The following GALNT18 variants were observed in gnomAD, a reference collection of about 807,000 sequenced individuals.
GALNT18 encodes the protein GalNAc-transferase 18.
A neutral mutation model predicts 69.5 loss-of-function variants in GALNT18; 44 were observed. That is an observed-to-expected ratio of 0.63 (90% CI 0.50 to 0.81). The LOEUF (loss-of-function observed/expected upper bound fraction) is 0.81. Among genes scored for constraint, GALNT18 ranks in the 40% least tolerant of loss-of-function variants. The probability of loss-of-function intolerance (pLI) is 0.00; values close to 1 mark genes in which losing one functional copy is unlikely to be tolerated. For synonymous variants in GALNT18, 364 were observed against 318.2 expected, an observed-to-expected ratio of 1.14 and a Z score of -1.53; for missense variants, 715 against 810.0, an observed-to-expected ratio of 0.88 and a Z score of 1.42.
At chr11:11,489,616 T>C (rs946578556) in intron 1 of GALNT18, among the ~76,000 whole-genome samples, 1 of 152,190 alleles carries the variant, frequency 6.6e-6, no homozygotes, top group South Asian at 2.1e-4. Flanking sequence ...AGCTCTGCCA[T>C]GAAAACACCT....
intron 3 of GALNT18, among the ~76,000 whole-genome samples, chr11:11,403,127 T>C (rs1052409521): frequency 2.0e-5 from 3 of 152,156 alleles, no homozygotes; most frequent in Non-Finnish European, 4.4e-5. Context: ...AGCTAAGCAA[T>C]GCCTGTAACC....
chr11:11,490,030 T>C (rs967805635), intron 1 of GALNT18, among the ~76,000 whole-genome samples: 1 of 152,162 alleles, frequency 6.6e-6, no homozygotes, highest in Admixed American at 6.5e-5. Context: ...AATGTGACAG[T>C]GTTGGAACAT....
intron 3 of GALNT18, among the ~76,000 whole-genome samples, chr11:11,411,486 A>G (rs974256991): frequency 1.3e-5 from 2 of 152,172 alleles, no homozygotes; most frequent in Non-Finnish European, 2.9e-5. Flanking sequence ...CGGGAGCTCA[A>G]TGCATCCTGA....
chr11:11,521,009 G>A (rs975461092), intron 1 of GALNT18, among the ~76,000 whole-genome samples: 20 of 152,156 alleles, frequency 1.3e-4, no homozygotes, highest in South Asian at 2.1e-4. Flanking sequence ...AAGGCTCCCC[G>A]TGCCCTTGTT....
At chr11:11,357,473 C>A (rs991020694) in intron 6 of GALNT18, among the ~76,000 whole-genome samples, 3 of 152,206 alleles carry the variant, frequency 2.0e-5, no homozygotes, top group Non-Finnish European at 4.4e-5. Flanking sequence ...TCTCCACCCA[C>A]TCCCTCCTTA....
chr11:11,502,355 G>C (rs1298916407), intron 1 of GALNT18, among the ~76,000 whole-genome samples: 1 of 152,240 alleles, frequency 6.6e-6, no homozygotes, highest in Non-Finnish European at 1.5e-5. Context: ...AGGCTGAGCA[G>C]GCAGGCAGGA....
rs186942517 is a variant in GALNT18, at chr11:11,432,500, A to G, written c.595+121T>C. On this transcript the variant is annotated intron_variant, in intron 3 of 10. Transcript: ENST00000227756. This position sits in a 1 kb window ranked among gnomAD's most constrained non-coding sequence, Gnocchi z 5.8. ...AGTGGCCACCATGAATTTCTCATCT[A>G]TGCTCCAGAGAAAGAGCAGCCACAG... The G allele has an allele frequency of 2.0e-6, 2 of 995,150 alleles. No individual in the cohort carries two copies. Among genetic ancestry groups the G allele is most frequent in the African/African-American group, 1.6e-5 (1 of 61,448 alleles). The allele number at this position is 995,150 out of a possible 1,614,324, so 61.6% of individuals were successfully genotyped here.
intron 3 of GALNT18, among the ~76,000 whole-genome samples, chr11:11,398,558 G>A (rs1854387329): frequency 6.6e-6 from 1 of 152,164 alleles, no homozygotes; most frequent in Admixed American, 6.5e-5. Context: ...CAGGCAGTCG[G>A]GCTTCAGCTC....
At chr11:11,599,166 G>T (rs1415652379) in intron 1 of GALNT18, among the ~76,000 whole-genome samples, 1 of 152,034 alleles carries the variant, frequency 6.6e-6, no homozygotes, top group Admixed American at 6.6e-5. Context: ...CTGCCTAATT[G>T]TTCTACCCAT....
At chr11:11,475,207 C>T (rs3861783) in intron 1 of GALNT18, 103,152 of 151,818 alleles carry the variant, frequency 0.68, 35,798 homozygotes, top group Admixed American at 0.78. Flanking sequence ...ATAACTACTT[C>T]GTGCCATTTC....
At chr11:11,441,447 G>T (rs1855529734) in intron 2 of GALNT18, among the ~76,000 whole-genome samples, 1 of 152,146 alleles carries the variant, frequency 6.6e-6, no homozygotes, top group South Asian at 2.1e-4. Context: ...AAGTTCACCT[G>T]GGCAGGGCTG....
chr11:11,284,171 G>A (rs1849143787), intron 10 of GALNT18, among the ~76,000 whole-genome samples: 1 of 152,220 alleles, frequency 6.6e-6, no homozygotes, highest in Admixed American at 6.5e-5. Context: ...GCGTGTGGAA[G>A]CCACAGTCCA....
At chr11:11,279,599 C>T (rs150329868) in intron 10 of GALNT18, among the ~76,000 whole-genome samples, 7 of 151,468 alleles carry the variant, frequency 4.6e-5, no homozygotes, top group East Asian at 1.9e-4. Flanking sequence ...TAGCTATACT[C>T]GATAAATCTC....
Position 11,621,469 on chromosome 11 carries a change from C to G in GALNT18, c.125G>C (p.Arg42Pro), listed in dbSNP as rs374770254. ...CTTGTCGGGCGCCGGCTCCTGCCCC[C>G]GCACATACACGCTGGCGATGTAGTT... ...VTNYIASVYV[R>P]GQEPAPDKKL... is the part of the protein sequence containing the mutation. Residue 42 changes from arginine to proline, a missense_variant, in exon 1 of 11, where the codon CGG (arginine) becomes CCG (proline). Transcript: ENST00000227756. The surrounding 1 kb of genome is among the most constrained non-coding windows in gnomAD (Gnocchi z 9.3). 1.2e-6 allele frequency: 2 copies of G among 1,614,010 alleles called. No individual in the cohort carries two copies. Among genetic ancestry groups the G allele is most frequent in the African/African-American group, 1.3e-5 (1 of 74,914 alleles).
chr11:11,311,045 G>A (rs557200428), intron 9 of GALNT18, among the ~76,000 whole-genome samples: 1 of 152,262 alleles, frequency 6.6e-6, no homozygotes, highest in East Asian at 1.9e-4. Context: ...CTCCTCCAGA[G>A]GCCTTTTGGA....
Position 11,383,372 on chromosome 11 carries a change from A to G in GALNT18, c.596-4108T>C, listed in dbSNP as rs961571593. Among the ~76,000 whole-genome samples, 17 of 152,192 alleles carry G rather than the reference A, an allele frequency of 1.1e-4. No individual in the cohort carries two copies. The highest frequency in any genetic ancestry group is 2.4e-4 in the Non-Finnish European group (16 of 68,034). ...GAAGGGTCTGGCATGGAGGCTGTTA[A>G]TCTGATTTAAGTACTTAATGGGACA... On this transcript the variant is annotated intron_variant, in intron 3 of 10. Transcript: ENST00000227756. This position sits in a 1 kb window ranked among gnomAD's most constrained non-coding sequence, Gnocchi z 5.2.
Position 11,402,426 on chromosome 11 carries a change from T to C in GALNT18, c.596-23162A>G, listed in dbSNP as rs914926562. On this transcript the variant is annotated intron_variant, in intron 3 of 10. Coordinates refer to ENST00000227756, the MANE Select transcript of GALNT18 (RefSeq NM_198516.3). This position sits in a 1 kb window ranked among gnomAD's most constrained non-coding sequence, Gnocchi z 4.0. Reference sequence around the variant, plus strand: ...TGCTTTTATCTTATTGAACCAGGCTTTGATGGTGGGTGGCTTCCTCTGATC... The same window carrying C: ...TGCTTTTATCTTATTGAACCAGGCTCTGATGGTGGGTGGCTTCCTCTGATC... 6.6e-6 allele frequency among the ~76,000 whole-genome samples: 1 copy of C among 152,234 alleles called. No individual in the cohort carries two copies. Among genetic ancestry groups the C allele is most frequent in the Non-Finnish European group, 1.5e-5 (1 of 68,044 alleles).
In GALNT18 at chr11:11,358,826, AACAC is replaced by A. The variant is rs10644506; in HGVS notation, c.1092+13685_1092+13688del. Among the ~76,000 whole-genome samples the A allele has an allele frequency of 7.3e-4, 81 of 110,888 alleles. 5 individuals are homozygous for A. Among genetic ancestry groups the A allele is most frequent in the East Asian group, 1.5e-3 (7 of 4,682 alleles). The allele number at this position is 110,888 out of a possible 152,430, so 72.7% of individuals were successfully genotyped here. A position where few individuals can be genotyped will look rare whatever the true frequency, so the allele number is the denominator to read the frequency against. On this transcript the variant is annotated intron_variant, in intron 6 of 10. Transcript: ENST00000227756. ...AAGCTAACAGCCCCAATCCACACAA[AACAC>A]ACACACACACACACACACACACACA...
chr11:11,596,007 C>T lies in GALNT18; in HGVS notation c.235+25352G>A, dbSNP rs4354682. ...TTAGGTTTGTCTTCTTCTAAGAGTT[C>T]TATGATTTTATCTCTTATATTTAGT... On this transcript the variant is annotated intron_variant, in intron 1 of 10. Coordinates refer to ENST00000227756, the MANE Select transcript of GALNT18 (RefSeq NM_198516.3). This position sits in a 1 kb window ranked among gnomAD's most constrained non-coding sequence, Gnocchi z 4.2. Among the ~76,000 whole-genome samples the T allele has an allele frequency of 0.95, 144,886 of 152,270 alleles. 69,005 individuals are homozygous for T. Among genetic ancestry groups the T allele is most frequent in the East Asian group, 1 (5,180 of 5,186 alleles).
Sources: gnomAD v4.1 joint callset for allele counts (sites outside exome capture counted in the v4.1 genomes callset) on GRCh38, gnomAD v4.1.1 for gene constraint, Gnocchi (gnomAD v3.1) non-coding constraint, MANE v1.5 for transcripts, NCBI Gene and HGNC (gene_info 2026-07-23, HGNC 2026-07-21) for gene names.